TESPA1: variants seen among roughly 807,000 people sequenced by gnomAD.
TESPA1 encodes protein TESPA1.
A neutral mutation model predicts 57.9 loss-of-function variants in TESPA1; 33 were observed. The observed-to-expected ratio is 0.57, with a 90% confidence interval of 0.43 to 0.76. The LOEUF is 0.76. TESPA1 is among the 30% of genes least tolerant of loss of function. The pLI is 0.00. For synonymous variants in TESPA1, 227 were observed against 228.9 expected (o/e 0.99, Z 0.07); for missense variants, 618 against 632.9 (o/e 0.98, Z 0.25).
chr12:54,971,159 A>G (rs1000326755), intron 3 of TESPA1, among the ~76,000 whole-genome samples: 3 of 152,252 alleles, frequency 2.0e-5, no homozygotes, highest in Non-Finnish European at 2.9e-5. Flanking sequence ...TCTTGCTACC[A>G]GAGGATGTTA....
chr12:54,951,354 T>C (rs1021489989), intron 10 of TESPA1, among the ~76,000 whole-genome samples: 6 of 152,186 alleles, frequency 3.9e-5, no homozygotes, highest in Admixed American at 2.6e-4. Context: ...CCATGCCTCC[T>C]GCACAGCCTG....
chr12:54,963,659 A>C, intron 8 of TESPA1, 83 bp downstream of exon 8: 1 of 1,437,522 alleles, frequency 7.0e-7, no homozygotes, highest in South Asian at 1.3e-5. Flanking sequence ...ACCAAGAGAA[A>C]GCAGGATTTG....
intron 1 of TESPA1, among the ~76,000 whole-genome samples, chr12:54,978,694 T>C (rs1233577673): frequency 1.3e-5 from 2 of 152,206 alleles, no homozygotes; most frequent in East Asian, 3.8e-4. Flanking sequence ...ACTCTCAACA[T>C]TGCTTGAACT....
chr12:54,966,209 C>T (rs766706324), intron 6 of TESPA1, 58 bp from the exon 7 acceptor site: 94 of 1,563,628 alleles, frequency 6.0e-5, no homozygotes, highest in East Asian at 4.3e-4. Context: ...ACCCTGGCTT[C>T]GAGGAATCCC....
rs781555858 is a variant in TESPA1, at chr12:54,963,022, C to G, written c.876G>C (p.Leu292=). Residue 292 remains leucine, a synonymous_variant, in exon 9 of 11, where the codon CTG becomes CTC. Coordinates refer to ENST00000449076, the MANE Select transcript of TESPA1 (RefSeq NM_001136030.3). The part of the protein sequence containing the change: ...RLRKAISKMC[L]YTCPRDRPPP... Reference sequence around the variant, plus strand: ...GTGGCCGGTCTCGGGGGCATGTGTACAGACACATCTTGGAGATGGCTTTCC... The same window carrying G: ...GTGGCCGGTCTCGGGGGCATGTGTAGAGACACATCTTGGAGATGGCTTTCC... 1 of 1,613,864 alleles carries G rather than the reference C, an allele frequency of 6.2e-7. No homozygotes were observed. Among genetic ancestry groups the G allele is most frequent in the East Asian group, 2.2e-5 (1 of 44,874 alleles).
intron 7 of TESPA1, 98 bp from the exon 8 acceptor site, chr12:54,964,048 TC>T: frequency 8.0e-7 from 1 of 1,252,078 alleles, no homozygotes; most frequent in Non-Finnish European, 1.1e-6. Context: ...AGACTGAAAT[TC>T]TTTTCTGTCC....
chr12:54,983,752 A>T (rs1952404929), intron 1 of TESPA1, among the ~76,000 whole-genome samples: 1 of 152,204 alleles, frequency 6.6e-6, no homozygotes, highest in Non-Finnish European at 1.5e-5. Flanking sequence ...GGGCATGGGA[A>T]AACCCCAGGG....
Position 54,962,593 on chromosome 12 carries a change from CTT to C in TESPA1, c.1303_1304del (p.Lys435GlufsTer18), listed in dbSNP as rs1209721794. 1 of 1,613,964 alleles carries C rather than the reference CTT, an allele frequency of 6.2e-7. No individual in the cohort carries two copies. Among genetic ancestry groups the C allele is most frequent in the Admixed American group, 1.7e-5 (1 of 60,024 alleles). On this transcript the variant is annotated frameshift_variant, in exon 9 of 11. Transcript: ENST00000449076. LOFTEE classifies it high-confidence loss of function. ...GGAAGAGGCTCTTTCTTGCTCTGCTCTTTCTTTTCCAGAAAGTCTCATCCTTG... is the reference window on the plus strand; with the variant it reads ...GGAAGAGGCTCTTTCTTGCTCTGCTCTCTTTTCCAGAAAGTCTCATCCTTG... ...PAKDETFWKR[K>X]SRARKSLFQK...
At chr12:54,984,012 T>A (rs572437760) in intron 1 of TESPA1, 1 of 152,282 alleles carries the variant, frequency 6.6e-6, no homozygotes, top group African/African-American at 2.4e-5. Context: ...AGTGTGTACA[T>A]CCTCCCTCGT....
At chr12:54,957,859 AAG>A (rs1950830262) in intron 10 of TESPA1, among the ~76,000 whole-genome samples, 1 of 152,238 alleles carries the variant, frequency 6.6e-6, no homozygotes, top group African/African-American at 2.4e-5. Flanking sequence ...GAGGCAAAAA[AAG>A]ACAACTAAAT....
intron 1 of TESPA1, among the ~76,000 whole-genome samples, chr12:54,976,376 C>T (rs952531231): frequency 6.6e-6 from 1 of 152,110 alleles, no homozygotes; most frequent in Non-Finnish European, 1.5e-5. Context: ...ATCACAAAGG[C>T]CGACTTGTCT....
intron 1 of TESPA1, among the ~76,000 whole-genome samples, chr12:54,976,290 A>G (rs1952132542): frequency 6.6e-6 from 1 of 152,216 alleles, no homozygotes; most frequent in Non-Finnish European, 1.5e-5. Flanking sequence ...AGAATCTAAA[A>G]AGTCTTATCA....
chr12:54,967,118 A>T, intron 5 of TESPA1, 65 bp downstream of exon 5: 1 of 1,582,996 alleles, frequency 6.3e-7, no homozygotes, highest in Non-Finnish European at 8.6e-7. Context: ...CTTCCATCCT[A>T]TCCTGAATTC....
At chr12:54,971,574 A>G (rs4759130) in intron 3 of TESPA1, among the ~76,000 whole-genome samples, 55,426 of 152,058 alleles carry the variant, frequency 0.36, 12,989 homozygotes, top group East Asian at 0.92. Context: ...CTTTATGGCC[A>G]TTTTGAAGTT....
chr12:54,956,068 T>C (rs79377309), intron 10 of TESPA1, among the ~76,000 whole-genome samples: 2,742 of 152,376 alleles, frequency 0.018, 76 homozygotes, highest in African/African-American at 0.062. Flanking sequence ...TGCTATGTAG[T>C]AATCCCTATA....
In TESPA1 at chr12:54,962,661, G is replaced by C; in HGVS notation, c.1237C>G (p.Leu413Val). 2 of 1,613,926 alleles carry C rather than the reference G, an allele frequency of 1.2e-6. No homozygotes were observed. The highest frequency in any genetic ancestry group is 1.7e-6 in the Non-Finnish European group (2 of 1,179,874). Reference sequence around the variant, plus strand: ...GTATTGGTGGCTGGTAGACTACACAGCTCTCTCCTTATCTGAGCTGGGTCT... The same window carrying C: ...GTATTGGTGGCTGGTAGACTACACACCTCTCTCCTTATCTGAGCTGGGTCT... The part of the protein sequence containing the change: ...STDPAQIRRE[L>V]CSLPATNTET... The change falls in exon 9 of 11, where the codon CTG becomes GTG. Residue 413 changes from leucine to valine, a missense_variant. Leu to Val is a conservative substitution (Grantham distance 32). Coordinates refer to ENST00000449076, the MANE Select transcript of TESPA1 (RefSeq NM_001136030.3).
intron 1 of TESPA1, among the ~76,000 whole-genome samples, chr12:54,982,899 C>CT: frequency 6.6e-6 from 1 of 152,268 alleles, no homozygotes; most frequent in East Asian, 1.9e-4. Context: ...TGACTGAACT[C>CT]TTTTCTCAAT....
In TESPA1 at chr12:54,953,522, C is replaced by CTTT. The variant is rs1178610425; in HGVS notation, c.*2-3135_*2-3133dup. On this transcript the variant is annotated intron_variant, in intron 10 of 10. Coordinates refer to ENST00000449076, the MANE Select transcript of TESPA1 (RefSeq NM_001136030.3). Reference sequence around the variant, plus strand: ...CCTTCTCTACATCTTTTTTTATTTACTTTTTTTTTTTTTGAGACGGAGTCT... The same window carrying CTTT: ...CCTTCTCTACATCTTTTTTTATTTACTTTTTTTTTTTTTTTTGAGACGGAGTCT... Among the ~76,000 whole-genome samples the CTTT allele has an allele frequency of 3.7e-5, 5 of 135,378 alleles. No individual in the cohort carries two copies. In the South Asian group the frequency reaches 1.1e-3, roughly 29 times the overall value. 88.8% of individuals were successfully genotyped at this position (135,378 alleles called of 152,430 possible). A position where few individuals can be genotyped will look rare whatever the true frequency, so the allele number is the denominator to read the frequency against.
chr12:54,979,423 C>G (rs1952237261), intron 1 of TESPA1, among the ~76,000 whole-genome samples: 1 of 152,182 alleles, frequency 6.6e-6, no homozygotes, highest in African/African-American at 2.4e-5. Context: ...ACTATTGCTT[C>G]TTGCCTGAAT....
Sources: allele counts gnomAD v4.1 joint callset (sites outside exome capture counted in the v4.1 genomes callset), GRCh38; gene constraint gnomAD v4.1.1; transcripts MANE v1.5; gene names NCBI Gene and HGNC (gene_info 2026-07-23, HGNC 2026-07-21).